The following DPYSL2 variants were observed in gnomAD, a reference collection of about 807,000 sequenced individuals.
The protein encoded by DPYSL2 is dihydropyrimidinase like 2.
Under a neutral mutation model 69.9 loss-of-function variants are expected in DPYSL2, and 13 were observed. The observed-to-expected ratio is 0.19, with a 90% CI of 0.12 to 0.30. DPYSL2 has a LOEUF of 0.30. Ranked by LOEUF, DPYSL2 falls within the 10% of genes least tolerant of loss-of-function variation. The pLI, the probability that DPYSL2 is intolerant of heterozygous loss-of-function variation, is 1.00. For synonymous variants in DPYSL2, 326 were observed against 359.1 expected (o/e 0.91, Z 1.04); for missense variants, 587 against 918.9 (o/e 0.64, Z 4.67).
chr8:26,612,603 G>A lies in DPYSL2; in HGVS notation c.629-11540G>A, dbSNP rs563905277. 2.0e-5 allele frequency among the ~76,000 whole-genome samples: 3 copies of A among 152,336 alleles called. No individual in the cohort carries two copies. The East Asian group carries it at 5.8e-4, about 29-fold the overall frequency. ...GTGGTGGCTCACGCCTGTAATCCCA[G>A]CACTTTGGGAGGCCGAGGCGGGTGG... On this transcript the variant is annotated intron_variant, in intron 3 of 13. Transcript: ENST00000521913.
At chr8:26,524,926 T>C (rs1323811245) in intron 1 of DPYSL2, among the ~76,000 whole-genome samples, 1 of 151,042 alleles carries the variant, frequency 6.6e-6, no homozygotes, top group African/African-American at 2.4e-5. Flanking sequence ...TGGCAAATAG[T>C]ATCCTATTGT....
rs1233277244 is a variant in DPYSL2 at position 26,577,246 on chromosome 8, G to C, written c.355-4723G>C. The C allele has an allele frequency of 7.4e-6, 3 of 406,864 alleles. No individual in the cohort carries two copies. The Admixed American group carries it at 8.3e-5, about 11-fold the overall frequency. The allele number at this position is 406,864 out of a possible 1,614,324, so 25.2% of individuals were successfully genotyped here. A position where few individuals can be genotyped will look rare whatever the true frequency, so the allele number is the denominator to read the frequency against. ...CCGCGCCCATTCCCCGCCCCCAGGA[G>C]CCGGGCCCGGACGCTCCCGGGAAGC... On this transcript the variant is annotated intron_variant, in intron 1 of 13. Coordinates refer to ENST00000521913, the MANE Select transcript of DPYSL2 (RefSeq NM_001197293.3).
At chr8:26,518,247 A>C (rs1232291652) in intron 1 of DPYSL2, among the ~76,000 whole-genome samples, 2 of 152,158 alleles carry the variant, frequency 1.3e-5, no homozygotes, top group African/African-American at 4.8e-5. Context: ...GATACTTTAC[A>C]GGTCATATTG....
intron 1 of DPYSL2, among the ~76,000 whole-genome samples, chr8:26,554,184 G>T (rs1255655028): frequency 6.6e-6 from 1 of 151,932 alleles, no homozygotes; most frequent in African/African-American, 2.4e-5. Flanking sequence ...TACCGTGCCT[G>T]GCCATTTTTT....
chr8:26,622,079 TTC>T (rs1802493344), intron 3 of DPYSL2, among the ~76,000 whole-genome samples: 1 of 131,448 alleles, frequency 7.6e-6, no homozygotes, highest in Admixed American at 7.7e-5. Flanking sequence ...TTTTTTTTCT[TTC>T]TTTCTTTCTT....
At chr8:26,537,065 T>C (rs1800603725) in intron 1 of DPYSL2, among the ~76,000 whole-genome samples, 1 of 152,172 alleles carries the variant, frequency 6.6e-6, no homozygotes. Flanking sequence ...GTAGAAAGCC[T>C]TAAAAATTTG....
In DPYSL2 at chr8:26,627,793, C is replaced by G. The variant is rs1318514496; in HGVS notation, c.937-79C>G. On this transcript the variant is annotated intron_variant, in intron 6 of 13. Coordinates refer to ENST00000521913, the MANE Select transcript of DPYSL2 (RefSeq NM_001197293.3). The surrounding 1 kb of genome is among the most constrained non-coding windows in gnomAD (Gnocchi z 6.9). The stretch of plus-strand genomic sequence containing the variant: ...GTAATTTTCCATCTTGCCCGGATAA[C>G]TGCATGCCCGGGCCTCTGCCATCAG... 7.0e-7 allele frequency: 1 copy of G among 1,424,182 alleles called. No homozygotes were observed. The highest frequency in any genetic ancestry group is 9.7e-7 in the Non-Finnish European group (1 of 1,026,894). 88.2% of individuals were successfully genotyped at this position (1,424,182 alleles called of 1,614,324 possible).
intron 1 of DPYSL2, among the ~76,000 whole-genome samples, chr8:26,557,148 T>C (rs144272271): frequency 2.7e-3 from 405 of 151,558 alleles, no homozygotes; most frequent in African/African-American, 9.4e-3. Flanking sequence ...AGATGACTTT[T>C]TAGATACAAC....
At chr8:26,622,353 C>A (rs116996303) in intron 3 of DPYSL2, among the ~76,000 whole-genome samples, 1 of 151,710 alleles carries the variant, frequency 6.6e-6, no homozygotes, top group Non-Finnish European at 1.5e-5. Context: ...ATTACAGATA[C>A]CAGATATGTG....
At position 26,533,222 on chromosome 8, in the gene DPYSL2, A is replaced by G. The variant is rs1219586387; in HGVS notation, c.354+18543A>G. Among the ~76,000 whole-genome samples, 1 of 152,036 alleles carries G rather than the reference A, an allele frequency of 6.6e-6. No homozygotes were observed. Among genetic ancestry groups the G allele is most frequent in the Non-Finnish European group, 1.5e-5 (1 of 68,022 alleles). The stretch of plus-strand genomic sequence containing the variant: ...TCTTTGCCCATTTTTAAGTTGGAAT[A>G]TTTGCCATTTTGTGGTTGAGCTGTA... On this transcript the variant is annotated intron_variant, in intron 1 of 13. Transcript: ENST00000521913. This position sits in a 1 kb window ranked among gnomAD's most constrained non-coding sequence, Gnocchi z 4.8.
At chr8:26,543,769 G>A (rs1173341067) in intron 1 of DPYSL2, among the ~76,000 whole-genome samples, 1 of 152,200 alleles carries the variant, frequency 6.6e-6, no homozygotes, top group Non-Finnish European at 1.5e-5. Flanking sequence ...TTACAGGCGT[G>A]AGCCACCGCG....
At chr8:26,611,881 C>CCTG (rs1190371505) in intron 3 of DPYSL2, among the ~76,000 whole-genome samples, 2 of 152,310 alleles carry the variant, frequency 1.3e-5, no homozygotes, top group East Asian at 3.9e-4. Flanking sequence ...TGGCTCCAGA[C>CCTG]CTGCTGCTGC....
intron 1 of DPYSL2, among the ~76,000 whole-genome samples, chr8:26,558,974 G>A (rs907789128): frequency 5.3e-5 from 8 of 151,996 alleles, no homozygotes; most frequent in African/African-American, 1.4e-4. Context: ...ACGGAGTCTC[G>A]CTCTGTCTCC....
chr8:26,599,011 C>T (rs1470173589), intron 3 of DPYSL2, among the ~76,000 whole-genome samples: 1 of 152,198 alleles, frequency 6.6e-6, no homozygotes, highest in Non-Finnish European at 1.5e-5. Flanking sequence ...GAAAAGCTCA[C>T]TTTTCAGAGA....
intron 1 of DPYSL2, among the ~76,000 whole-genome samples, chr8:26,530,553 T>A (rs1057161764): frequency 1.3e-5 from 2 of 152,190 alleles, no homozygotes; most frequent in African/African-American, 4.8e-5. Context: ...CAATTTCCAA[T>A]AGGACTCTGG....
rs115254351 is a variant in DPYSL2, at chr8:26,595,414, C to T, written c.628+11431C>T. ...AAAGCAGTGTTCCCAGAAAACAGCC[C>T]GTCAAATCAATAACTCTTGCTATCT... On this transcript the variant is annotated intron_variant, in intron 3 of 13. Coordinates refer to ENST00000521913, the MANE Select transcript of DPYSL2 (RefSeq NM_001197293.3). Among the ~76,000 whole-genome samples the T allele has an allele frequency of 7.0e-3, 1,063 of 152,170 alleles. 15 individuals carry two copies. Among genetic ancestry groups the T allele is most frequent in the African/African-American group, 0.025 (1,025 of 41,510 alleles).
At chr8:26,570,451 C>T (rs1203707983) in intron 1 of DPYSL2, among the ~76,000 whole-genome samples, 1 of 152,204 alleles carries the variant, frequency 6.6e-6, no homozygotes, top group East Asian at 1.9e-4. Flanking sequence ...ATTAAAAGAA[C>T]TAGCCTTGGC....
At position 26,647,479 on chromosome 8, in the gene DPYSL2, TGACCTTTGAGACG is replaced by T. The variant is rs897191702; in HGVS notation, c.1426-149_1426-137del. 12 of 792,892 alleles carry T rather than the reference TGACCTTTGAGACG, an allele frequency of 1.5e-5. No homozygotes were observed. The African/African-American group carries it at 1.9e-4, about 13-fold the overall frequency. The allele number at this position is 792,892 out of a possible 1,614,324, so 49.1% of individuals were successfully genotyped here. A position where few individuals can be genotyped will look rare whatever the true frequency, so the allele number is the denominator to read the frequency against. ...TATAGAAATGGAGTCATACAGTGTG[TGACCTTTGAGACG>T]GTTTGTGTTTCACTTGGCACAACGC... On this transcript the variant is annotated intron_variant, in intron 10 of 13. Transcript: ENST00000521913. This position sits in a 1 kb window ranked among gnomAD's most constrained non-coding sequence, Gnocchi z 5.1.
chr8:26,654,025 ACTTCT>A lies in DPYSL2; in HGVS notation c.1942+636_1942+640del, dbSNP rs1188160712. On this transcript the variant is annotated intron_variant, in intron 13 of 13. Transcript: ENST00000521913. This position sits in a 1 kb window ranked among gnomAD's most constrained non-coding sequence, Gnocchi z 5.0. ...AGAAAGGACACTGTGGTATTTCAGGACTTCTCTTCTCTCCTACAGTATATTGTAGT... is the reference window on the plus strand; with the variant it reads ...AGAAAGGACACTGTGGTATTTCAGGACTTCTCTCCTACAGTATATTGTAGT... Among the ~76,000 whole-genome samples, 2 of 152,148 alleles carry A rather than the reference ACTTCT, an allele frequency of 1.3e-5. No individual in the cohort carries two copies. The highest frequency in any genetic ancestry group is 2.4e-5 in the African/African-American group (1 of 41,422).
Sources: gnomAD v4.1 joint callset for allele counts (sites outside exome capture counted in the v4.1 genomes callset) on GRCh38, gnomAD v4.1.1 for gene constraint, Gnocchi (gnomAD v3.1) non-coding constraint, MANE v1.5 for transcripts, NCBI Gene and HGNC (gene_info 2026-07-23, HGNC 2026-07-21) for gene names.